Variants in ZBTB10 observed in about 807,000 individuals in gnomAD.
ZBTB10 encodes zinc finger and BTB domain-containing protein 10.
A neutral mutation model predicts 76.4 loss-of-function variants in ZBTB10; 32 were observed. The ratio of observed to expected loss-of-function variants is 0.42; its 90% confidence interval spans 0.32 to 0.56. The LOEUF is 0.56. ZBTB10 is among the 20% of genes least tolerant of loss of function. ZBTB10 has a pLI of 0.14. For missense variants in ZBTB10, 1,057 were observed against 1,098.5 expected, an observed-to-expected ratio of 0.96 and a Z score of 0.53; for synonymous variants, 523 against 432.9, an observed-to-expected ratio of 1.21 and a Z score of -2.58.
rs535543633 is a variant in ZBTB10 at position 80,486,676 on chromosome 8, C to T, written c.-135C>T. On this transcript the variant is annotated 5_prime_UTR_variant, in exon 1 of 6. Coordinates refer to ENST00000455036, the MANE Select transcript of ZBTB10 (RefSeq NM_001105539.3). ...CGAGCCGGGCTGCCGGGCGAGAGGG[C>T]GAGGCCGAGCCCCGCGAGACCGGAA... is the stretch of plus-strand genomic sequence containing the variant. The T allele has an allele frequency of 1.2e-5, 12 of 989,458 alleles. No homozygotes were observed. In the African/African-American group the frequency reaches 2.1e-4, roughly 17 times the overall value. 61.3% of individuals were successfully genotyped at this position (989,458 alleles called of 1,614,324 possible). A position where few individuals can be genotyped will look rare whatever the true frequency, so the allele number is the denominator to read the frequency against.
chr8:80,508,867 G>C (rs375572345), intron 2 of ZBTB10, among the ~76,000 whole-genome samples: 3 of 152,122 alleles, frequency 2.0e-5, no homozygotes, highest in East Asian at 3.9e-4. Context: ...AGTAGTGAGT[G>C]GTTTTTTTAA....
At chr8:80,514,345 G>A (rs1485421161) in intron 3 of ZBTB10, among the ~76,000 whole-genome samples, 1 of 152,158 alleles carries the variant, frequency 6.6e-6, no homozygotes, top group Non-Finnish European at 1.5e-5. Context: ...TAGTTTTTAT[G>A]CAAAATGATG....
At chr8:80,503,230 A>G (rs1815968987) in intron 2 of ZBTB10, among the ~76,000 whole-genome samples, 1 of 152,192 alleles carries the variant, frequency 6.6e-6, no homozygotes, top group African/African-American at 2.4e-5. Flanking sequence ...TGAAGTGACA[A>G]ATATGAAATA....
intron 2 of ZBTB10, among the ~76,000 whole-genome samples, 163 bp downstream of exon 2, chr8:80,500,545 A>G (rs1815896789): frequency 6.6e-6 from 1 of 152,174 alleles, no homozygotes. Context: ...TATTTGGTAT[A>G]TTTTCTTTGT....
intron 1 of ZBTB10, among the ~76,000 whole-genome samples, chr8:80,488,322 T>G (rs1815535531): frequency 6.6e-6 from 1 of 152,240 alleles, no homozygotes; most frequent in African/African-American, 2.4e-5. Flanking sequence ...AGTATGTAAA[T>G]GTAGAGAATG....
chr8:80,512,669 G>C (rs1471053485), intron 2 of ZBTB10, among the ~76,000 whole-genome samples: 1 of 152,134 alleles, frequency 6.6e-6, no homozygotes, highest in East Asian at 1.9e-4. Flanking sequence ...CTGAGATCGT[G>C]CCACTGCACT....
chr8:80,489,370 T>C (rs1375848808), intron 1 of ZBTB10, among the ~76,000 whole-genome samples: 1 of 152,220 alleles, frequency 6.6e-6, no homozygotes, highest in Non-Finnish European at 1.5e-5. Flanking sequence ...CCTGAAGTTA[T>C]GTAGTAAGAT....
At chr8:80,503,816 G>T (rs963463600) in intron 2 of ZBTB10, among the ~76,000 whole-genome samples, 1 of 152,164 alleles carries the variant, frequency 6.6e-6, no homozygotes, top group South Asian at 2.1e-4. Flanking sequence ...GAGCCACTGC[G>T]CTCTGCCTGG....
In ZBTB10 at chr8:80,486,335, C is replaced by T. The variant is rs914480128; in HGVS notation, c.-476C>T. 140 of 989,942 alleles carry T rather than the reference C, an allele frequency of 1.4e-4. No homozygotes were observed. The highest frequency in any genetic ancestry group is 1.6e-4 in the Non-Finnish European group (135 of 833,402). 61.3% of individuals were successfully genotyped at this position (989,942 alleles called of 1,614,324 possible). ...AGCAGTTTAGCGTGCCTCTCACCCTCAGCGCCTGCGAAGCCGGCGGCGGCG... is the reference window on the plus strand; with the variant it reads ...AGCAGTTTAGCGTGCCTCTCACCCTTAGCGCCTGCGAAGCCGGCGGCGGCG... On this transcript the variant is annotated 5_prime_UTR_variant, in exon 1 of 6. Transcript: ENST00000455036.
At chr8:80,492,567 C>T (rs1309790381) in intron 1 of ZBTB10, among the ~76,000 whole-genome samples, 1 of 152,006 alleles carries the variant, frequency 6.6e-6, no homozygotes, top group Non-Finnish European at 1.5e-5. Context: ...CAACCTCCGC[C>T]TCCTGGGTTC....
At chr8:80,492,814 G>C (rs908718957) in intron 1 of ZBTB10, among the ~76,000 whole-genome samples, 2 of 152,102 alleles carry the variant, frequency 1.3e-5, no homozygotes, top group African/African-American at 4.8e-5. Flanking sequence ...TACCTGCAAA[G>C]GTTGGAAGAA....
intron 3 of ZBTB10, among the ~76,000 whole-genome samples, chr8:80,515,130 C>T (rs1325161852): frequency 6.6e-6 from 1 of 152,078 alleles, no homozygotes; most frequent in Non-Finnish European, 1.5e-5. Context: ...TTTTAAATTT[C>T]TTATACGGTG....
At chr8:80,485,962 G>T (rs1815435336), upstream of ZBTB10, 6 of 1,391,568 alleles carry the variant, frequency 4.3e-6, no homozygotes, top group African/African-American at 7.3e-5. Flanking sequence ...GGCCCCGGCC[G>T]CACACGCCCG....
rs1489606034 is a variant in ZBTB10, at chr8:80,487,222, A to G, written c.412A>G (p.Ser138Gly). ...CGGCGGGGGTCTCGGCAACAATGGCAGTAGCCGCGGCCGCCCCGAGACCTC... is the reference window on the plus strand; with the variant it reads ...CGGCGGGGGTCTCGGCAACAATGGCGGTAGCCGCGGCCGCCCCGAGACCTC... The part of the protein sequence containing the change: ...GGGGGLGNNG[S>G]SRGRPETSVW... Residue 138 changes from serine to glycine, a missense_variant, in exon 1 of 6, where the codon AGT becomes GGT. Transcript: ENST00000455036. 19 of 1,546,934 alleles carry G rather than the reference A, an allele frequency of 1.2e-5. No individual in the cohort carries two copies. Among genetic ancestry groups the G allele is most frequent in the Non-Finnish European group, 1.5e-5 (17 of 1,148,394 alleles).
rs1816464177 is a variant in ZBTB10, at chr8:80,522,261, C to T, written c.*2733C>T. 6.6e-6 allele frequency: 1 copy of T among 151,726 alleles called. No homozygotes were observed. Among genetic ancestry groups the T allele is most frequent in the South Asian group, 2.1e-4 (1 of 4,814 alleles). 9.4% of individuals were successfully genotyped at this position (151,726 alleles called of 1,614,324 possible). A position where few individuals can be genotyped will look rare whatever the true frequency, so the allele number is the denominator to read the frequency against. On this transcript the variant is annotated 3_prime_UTR_variant, in exon 6 of 6. Transcript: ENST00000455036. The stretch of plus-strand genomic sequence containing the variant: ...AACTTATGATTGGTCTCAGAGGTAA[C>T]AATGAAATACTCATAATTTTGTCTG...
intron 1 of ZBTB10, among the ~76,000 whole-genome samples, chr8:80,489,267 C>T (rs1456159269): frequency 6.6e-6 from 1 of 152,178 alleles, no homozygotes; most frequent in African/African-American, 2.4e-5. Context: ...CCTGGTTTTC[C>T]GTGTGCCAAA....
Position 80,519,386 on chromosome 8 carries a change from A to G in ZBTB10, c.2474A>G (p.Asp825Gly), listed in dbSNP as rs1205474566. ...GGQEGVDQGQDTEFPRDEEYE... is the reference protein window; with the variant it reads ...GGQEGVDQGQGTEFPRDEEYE... Reference sequence around the variant, plus strand: ...CAAGAAGGTGTAGATCAGGGACAGGATACAGAATTCCCTCGGGATGAAGAA... The same window carrying G: ...CAAGAAGGTGTAGATCAGGGACAGGGTACAGAATTCCCTCGGGATGAAGAA... Residue 825 changes from aspartate (D) to glycine (G), a missense_variant, in exon 6 of 6, where the codon GAT (aspartate) becomes GGT (glycine). Transcript: ENST00000455036. 6.3e-7 allele frequency: 1 copy of G among 1,599,878 alleles called. No individual in the cohort carries two copies. The highest frequency in any genetic ancestry group is 1.1e-5 in the South Asian group (1 of 90,294).
At chr8:80,494,275 C>G (rs1372220355) in intron 1 of ZBTB10, among the ~76,000 whole-genome samples, 1 of 152,168 alleles carries the variant, frequency 6.6e-6, no homozygotes, top group Admixed American at 6.5e-5. Flanking sequence ...ATACTAATTG[C>G]TTGTTTCTTT....
In ZBTB10 at chr8:80,487,116, C is replaced by T. The variant is rs1157395477; in HGVS notation, c.306C>T (p.Gly102=). The T allele has an allele frequency of 2.0e-6, 3 of 1,518,030 alleles. No individual in the cohort carries two copies. Among genetic ancestry groups the T allele is most frequent in the Non-Finnish European group, 2.6e-6 (3 of 1,137,704 alleles). The allele number at this position is 1,518,030 out of a possible 1,614,324, so 94.0% of individuals were successfully genotyped here. A position where few individuals can be genotyped will look rare whatever the true frequency, so the allele number is the denominator to read the frequency against. ...TGCTGCTCCCCCAAGACGCGGGCGG[C>T]CCCACCTCGCTTGGCGGTGGCGCGG... ...KELLLPQDAG[G]PTSLGGGAGG... Residue 102 remains glycine (G), a synonymous_variant, in exon 1 of 6, where the codon GGC becomes GGT. Transcript: ENST00000455036.
Sources: allele counts gnomAD v4.1 joint callset (sites outside exome capture counted in the v4.1 genomes callset), GRCh38; gene constraint gnomAD v4.1.1; transcripts MANE v1.5; gene names NCBI Gene and HGNC (gene_info 2026-07-23, HGNC 2026-07-21).